The following TRIR variants were observed in gnomAD, a reference collection of about 807,000 sequenced individuals.
TRIR encodes the protein telomerase RNA component interacting RNase, also known as telomerase RNA component-interacting RNase.
In TRIR, 5 loss-of-function variants were observed where a neutral mutation model predicts 18.2. The observed-to-expected ratio is 0.27, with a 90% confidence interval of 0.14 to 0.58. The LOEUF is 0.58. TRIR is among the 20% of genes least tolerant of loss of function. TRIR has a pLI of 0.91. For synonymous variants in TRIR, 134 were observed against 114.4 expected (o/e 1.17, Z -1.10); for missense variants, 206 against 252.8 (o/e 0.81, Z 1.25).
In TRIR at chr19:12,730,928, A is replaced by T; in HGVS notation, c.*33T>A. ...TTAAATAGTTATGTACATCGCAGAG[A>T]GTCCCAGGCCATGGGCAGGTGGGGG... is the stretch of plus-strand genomic sequence containing the variant. On this transcript the variant is annotated 3_prime_UTR_variant, in exon 3 of 3. Transcript: ENST00000242784. 6.4e-7 allele frequency: 1 copy of T among 1,566,960 alleles called. No individual in the cohort carries two copies. Among genetic ancestry groups the T allele is most frequent in the Non-Finnish European group, 8.8e-7 (1 of 1,137,352 alleles).
chr19:12,732,664 A>G (rs1369576095), intron 1 of TRIR, among the ~76,000 whole-genome samples: 2 of 150,148 alleles, frequency 1.3e-5, no homozygotes, highest in African/African-American at 4.9e-5. Context: ...ATCTCAGCTC[A>G]CTGCAACCTC....
In TRIR at chr19:12,734,605, G is replaced by A; in HGVS notation, c.53C>T (p.Pro18Leu). ...AEPQGREAPGPAGGGGGGSRW... is the reference protein window; with the variant it reads ...AEPQGREAPGLAGGGGGGSRW... ...GCTCCCGCCACCGCCACCGCCCGCG[G>A]GGCCCGGAGCCTCCCGGCCCTGAGG... is the stretch of plus-strand genomic sequence containing the variant. The change falls in exon 1 of 3, where the codon CCC (proline) becomes CTC (leucine). Residue 18 changes from proline (P) to leucine (L), a missense_variant. Physicochemically the swap from Pro to Leu is moderately conservative, Grantham distance 98. Coordinates refer to ENST00000242784, the MANE Select transcript of TRIR (RefSeq NM_024038.4). The surrounding 1 kb of genome is among the most constrained non-coding windows in gnomAD (Gnocchi z 4.1). 6.6e-7 allele frequency: 1 copy of A among 1,519,148 alleles called. No individual in the cohort carries two copies. The highest frequency in any genetic ancestry group is 8.8e-7 in the Non-Finnish European group (1 of 1,139,638). 94.1% of individuals were successfully genotyped at this position (1,519,148 alleles called of 1,614,324 possible). A position where few individuals can be genotyped will look rare whatever the true frequency, so the allele number is the denominator to read the frequency against.
Position 12,733,787 on chromosome 19 carries a change from C to G in TRIR, c.345+526G>C, listed in dbSNP as rs145475570. ...CCAGAGGCTCCAGGAAAGCAGCGAT[C>G]TTGTCTGTAAGCTCACCACTGCATA... is the stretch of plus-strand genomic sequence containing the variant. On this transcript the variant is annotated intron_variant, in intron 1 of 2. Transcript: ENST00000242784. Among the ~76,000 whole-genome samples the G allele has an allele frequency of 5.3e-5, 8 of 152,330 alleles. No homozygotes were observed. The East Asian group carries it at 1.5e-3, about 29-fold the overall frequency.
intron 1 of TRIR, among the ~76,000 whole-genome samples, chr19:12,733,302 G>A (rs1440703359): frequency 6.6e-6 from 1 of 152,120 alleles, no homozygotes; most frequent in East Asian, 1.9e-4. Flanking sequence ...AGAGCCCCCA[G>A]TCTTGTTATT....
rs55662295 is a variant in TRIR, at chr19:12,731,814, G to A, written c.346-393C>T. ...CCTTTCATTTTCACAGCTACCCTAA[G>A]ATGAAAGTTAGAACCACCCCCTTTT... On this transcript the variant is annotated intron_variant, in intron 1 of 2. Coordinates refer to ENST00000242784, the MANE Select transcript of TRIR (RefSeq NM_024038.4). This position sits in a 1 kb window ranked among gnomAD's most constrained non-coding sequence, Gnocchi z 5.1. The A allele has an allele frequency of 1.6e-5, 3 of 183,742 alleles. No individual in the cohort carries two copies. Among genetic ancestry groups the A allele is most frequent in the African/African-American group, 7.1e-5 (3 of 42,158 alleles). The allele number at this position is 183,742 out of a possible 1,614,324, so 11.4% of individuals were successfully genotyped here. A position where few individuals can be genotyped will look rare whatever the true frequency, so the allele number is the denominator to read the frequency against.
chr19:12,732,338 G>A (rs536055383), intron 1 of TRIR, among the ~76,000 whole-genome samples: 39 of 152,044 alleles, frequency 2.6e-4, no homozygotes, highest in Middle Eastern at 3.4e-3. Flanking sequence ...AGCCAAAATG[G>A]CCCCTCAATG....
At chr19:12,732,638 G>A (rs1433264550) in intron 1 of TRIR, among the ~76,000 whole-genome samples, 2 of 150,814 alleles carry the variant, frequency 1.3e-5, no homozygotes, top group East Asian at 1.9e-4. Flanking sequence ...TGTCGAGGCT[G>A]GAGTGCAGTG....
Position 12,731,572 on chromosome 19 carries a change from G to T in TRIR, c.346-151C>A. On this transcript the variant is annotated intron_variant, in intron 1 of 2. Transcript: ENST00000242784. This position sits in a 1 kb window ranked among gnomAD's most constrained non-coding sequence, Gnocchi z 5.1. ...AGCCGGCCGACCTGCGCAGCAATCAGAGAGGAGCACACGCGACTCAGCGCC... is the reference window on the plus strand; with the variant it reads ...AGCCGGCCGACCTGCGCAGCAATCATAGAGGAGCACACGCGACTCAGCGCC... The T allele has an allele frequency of 1.3e-6, 1 of 787,694 alleles. No individual in the cohort carries two copies. Among genetic ancestry groups the T allele is most frequent in the Non-Finnish European group, 2.0e-6 (1 of 502,688 alleles). 48.8% of individuals were successfully genotyped at this position (787,694 alleles called of 1,614,324 possible).
chr19:12,733,467 G>T (rs1012925543), intron 1 of TRIR, among the ~76,000 whole-genome samples: 1 of 152,088 alleles, frequency 6.6e-6, no homozygotes, highest in Non-Finnish European at 1.5e-5. Context: ...TCTTTGTTTG[G>T]GGGTGGGAGG....
intron 1 of TRIR, among the ~76,000 whole-genome samples, chr19:12,732,307 G>T (rs1219576832): frequency 6.6e-6 from 1 of 152,054 alleles, no homozygotes; most frequent in Non-Finnish European, 1.5e-5. Flanking sequence ...GCCTAGCCTG[G>T]CATGGCCTCT....
In TRIR at chr19:12,734,647, C is replaced by T. The variant is rs1458922309; in HGVS notation, c.11G>A (p.Arg4Gln). ...GCCCTGAGGCTCCGCCCGTCTCCCT[C>T]GGGCAGCCATTTTGTCGCCAGGTGC... The part of the protein sequence containing the change: MAA[R>Q]GRRAEPQGRE... Residue 4 changes from arginine (R) to glutamine (Q), a missense_variant, in exon 1 of 3, where the codon CGA (arginine) becomes CAA (glutamine). Physicochemically the swap from Arg to Gln is conservative, Grantham distance 43. This residue lies in a region of TRIR where 172 missense variants were observed against 165.0 expected (regional missense o/e 1.04). Transcript: ENST00000242784. This position sits in a 1 kb window ranked among gnomAD's most constrained non-coding sequence, Gnocchi z 4.1. 2.0e-6 allele frequency: 3 copies of T among 1,506,974 alleles called. No homozygotes were observed. The highest frequency in any genetic ancestry group is 1.4e-5 in the African/African-American group (1 of 69,076). The allele number at this position is 1,506,974 out of a possible 1,614,324, so 93.4% of individuals were successfully genotyped here. A position where few individuals can be genotyped will look rare whatever the true frequency, so the allele number is the denominator to read the frequency against.
rs1967428875 is a variant in TRIR, at chr19:12,731,570, CAGAG to C, written c.346-153_346-150del. The C allele has an allele frequency of 1.3e-6, 1 of 787,448 alleles. No individual in the cohort carries two copies. The highest frequency in any genetic ancestry group is 1.8e-5 in the South Asian group (1 of 56,472). 48.8% of individuals were successfully genotyped at this position (787,448 alleles called of 1,614,324 possible). ...CCAGCCGGCCGACCTGCGCAGCAAT[CAGAG>C]AGGAGCACACGCGACTCAGCGCCTG... On this transcript the variant is annotated intron_variant, in intron 1 of 2. Coordinates refer to ENST00000242784, the MANE Select transcript of TRIR (RefSeq NM_024038.4). The surrounding 1 kb of genome is among the most constrained non-coding windows in gnomAD (Gnocchi z 5.1).
In TRIR at chr19:12,731,628, G is replaced by A. The variant is rs1019864351; in HGVS notation, c.346-207C>T. 1 of 588,620 alleles carries A rather than the reference G, an allele frequency of 1.7e-6. No individual in the cohort carries two copies. 36.5% of individuals were successfully genotyped at this position (588,620 alleles called of 1,614,324 possible). ...TGGGCCCGCGGTGCCCTCCCAGGGA[G>A]CAAGAAGAGTGTCCACCTCAGTAGG... On this transcript the variant is annotated intron_variant, in intron 1 of 2. Coordinates refer to ENST00000242784, the MANE Select transcript of TRIR (RefSeq NM_024038.4). This position sits in a 1 kb window ranked among gnomAD's most constrained non-coding sequence, Gnocchi z 5.1.
Position 12,731,347 on chromosome 19 carries a change from A to T in TRIR, c.420T>A (p.Asp140Glu). The T allele has an allele frequency of 6.2e-7, 1 of 1,613,638 alleles. No homozygotes were observed. The highest frequency in any genetic ancestry group is 1.3e-5 in the African/African-American group (1 of 75,052). ...GIVAKKQKTEDEVLTSKGDAW... is the reference protein window; with the variant it reads ...GIVAKKQKTEEEVLTSKGDAW... ...CCCCTGCACCAAGCTGGCTCACCTC[A>T]TCCTCCGTCTTCTGCTTCTTGGCTA... Residue 140 changes from aspartate (D) to glutamate (E), a missense_variant, in exon 2 of 3, where the codon GAT (aspartate) becomes GAA (glutamate). Physicochemically the swap from Asp to Glu is conservative, Grantham distance 45 (BLOSUM62 2). Transcript: ENST00000242784. This position sits in a 1 kb window ranked among gnomAD's most constrained non-coding sequence, Gnocchi z 5.1.
chr19:12,732,370 G>A (rs888694890), intron 1 of TRIR, among the ~76,000 whole-genome samples: 5 of 152,142 alleles, frequency 3.3e-5, no homozygotes, highest in South Asian at 2.1e-4. Flanking sequence ...AAGATGCAAC[G>A]ACGACTGCTA....
intron 1 of TRIR, among the ~76,000 whole-genome samples, chr19:12,733,296 C>A (rs1052864844): frequency 6.6e-6 from 1 of 152,116 alleles, no homozygotes; most frequent in Admixed American, 6.6e-5. Context: ...AGAACTAGAG[C>A]CCCCAGTCTT....
Position 12,730,862 on chromosome 19 carries a change from T to G in TRIR, c.*99A>C. 1 of 1,143,570 alleles carries G rather than the reference T, an allele frequency of 8.7e-7. No homozygotes were observed. 70.8% of individuals were successfully genotyped at this position (1,143,570 alleles called of 1,614,324 possible). ...GGAAGCATCTCGGTTTCCTTCTGCT[T>G]TTAAGTCCTCTCAGGGAAGGCTGTC... On this transcript the variant is annotated 3_prime_UTR_variant, in exon 3 of 3. Coordinates refer to ENST00000242784, the MANE Select transcript of TRIR (RefSeq NM_024038.4).
chr19:12,731,096 G>C lies in TRIR; in HGVS notation c.424-28C>G, dbSNP rs374134076. Reference sequence around the variant, plus strand: ...GTGGAAAGGGGATACGGGTTAGGACGGGGGTGCCAGGAACCAGGGTCAGGA... The same window carrying C: ...GTGGAAAGGGGATACGGGTTAGGACCGGGGTGCCAGGAACCAGGGTCAGGA... On this transcript the variant is annotated intron_variant, in intron 2 of 2. Transcript: ENST00000242784. This position sits in a 1 kb window ranked among gnomAD's most constrained non-coding sequence, Gnocchi z 5.1. The C allele has an allele frequency of 1.1e-5, 18 of 1,579,368 alleles. No homozygotes were observed. In the African/African-American group the frequency reaches 1.9e-4, roughly 17 times the overall value.
intron 1 of TRIR, among the ~76,000 whole-genome samples, chr19:12,733,494 G>A (rs1967472242): frequency 1.3e-5 from 2 of 152,110 alleles, no homozygotes; most frequent in South Asian, 2.1e-4. Context: ...CCCCACGCAT[G>A]GTAGGAAGTT....
Sources: allele counts gnomAD v4.1 joint callset (sites outside exome capture counted in the v4.1 genomes callset), GRCh38; gene constraint gnomAD v4.1.1; regional missense constraint gnomAD v4.1.1; non-coding constraint Gnocchi (gnomAD v3.1); transcripts MANE v1.5; gene names NCBI Gene and HGNC (gene_info 2026-07-23, HGNC 2026-07-21).